Variants in GRK3 observed in about 807,000 individuals in gnomAD.
GRK3 encodes G protein-coupled receptor kinase 3.
A neutral mutation model predicts 95.7 loss-of-function variants in GRK3; 54 were observed. The observed-to-expected ratio is 0.56, with a 90% CI of 0.45 to 0.71. GRK3 has a LOEUF of 0.71. Ranked by LOEUF, GRK3 falls within the 30% of genes least tolerant of loss-of-function variation. The probability of loss-of-function intolerance (pLI) is 0.00; values close to 1 mark genes in which losing one functional copy is unlikely to be tolerated. For missense variants in GRK3, 649 were observed against 851.2 expected (o/e 0.76, Z 2.96); for synonymous variants, 281 against 290.8 (o/e 0.97, Z 0.34).
chr22:25,693,661 C>T lies in GRK3; in HGVS notation c.1053-1446C>T, dbSNP rs144303844. Among the ~76,000 whole-genome samples, 274 of 152,210 alleles carry T rather than the reference C, an allele frequency of 1.8e-3. 1 individual carries two copies. The highest frequency in any genetic ancestry group is 8.9e-3 in the South Asian group (43 of 4,820). On this transcript the variant is annotated intron_variant, in intron 12 of 20. Coordinates refer to ENST00000324198, the MANE Select transcript of GRK3 (RefSeq NM_005160.4). ...CACTGTTGGATAAAACTCTCAAATA[C>T]ACCTCTTAGACAGAGAGTACCAGAC... is the stretch of plus-strand genomic sequence containing the variant.
chr22:25,642,863 T>C (rs2084753456), intron 2 of GRK3, among the ~76,000 whole-genome samples: 3 of 152,176 alleles, frequency 2.0e-5, no homozygotes, highest in Admixed American at 2.0e-4. Context: ...CACTCCACCC[T>C]ATAAGAACAG....
chr22:25,670,745 T>C (rs1213739317), intron 6 of GRK3, among the ~76,000 whole-genome samples: 2 of 151,940 alleles, frequency 1.3e-5, no homozygotes, highest in African/African-American at 4.8e-5. Flanking sequence ...TGCATTTCTT[T>C]TGAAAATAGT....
intron 2 of GRK3, among the ~76,000 whole-genome samples, chr22:25,626,491 C>T (rs541371895): frequency 4.6e-5 from 7 of 152,244 alleles, no homozygotes; most frequent in African/African-American, 9.6e-5. Flanking sequence ...TCCCCACTTC[C>T]GGGATGCTAT....
At chr22:25,638,153 A>G (rs182765445) in intron 2 of GRK3, among the ~76,000 whole-genome samples, 4 of 152,348 alleles carry the variant, frequency 2.6e-5, no homozygotes, top group Admixed American at 2.0e-4. Context: ...TCCACCTAAC[A>G]TGATACAACT....
chr22:25,579,287 A>C (rs7284946), intron 1 of GRK3, among the ~76,000 whole-genome samples: 33,073 of 150,882 alleles, frequency 0.22, 7,735 homozygotes, highest in African/African-American at 0.6. Flanking sequence ...GCTGGGACTA[A>C]GGGCACATGC....
intron 19 of GRK3, 93 bp from the exon 20 acceptor site, chr22:25,721,190 CT>C (rs2085429778): frequency 5.0e-6 from 3 of 600,294 alleles, no homozygotes; most frequent in South Asian, 5.2e-5. Context: ...AATGTGTTTT[CT>C]TTTTTTACTT....
chr22:25,690,996 T>A (rs377265308), intron 12 of GRK3, among the ~76,000 whole-genome samples: 60 of 152,266 alleles, frequency 3.9e-4, no homozygotes, highest in African/African-American at 1.4e-3. Context: ...CCCTGCTTGA[T>A]CAGTGCAAGT....
rs567980759 is a variant in GRK3 at position 25,653,278 on chromosome 22, C to G, written c.265-8298C>G. On this transcript the variant is annotated intron_variant, in intron 3 of 20. Transcript: ENST00000324198. ...TTTTTCAGACTGGATAAAGAACCAA[C>G]CCTCCCCCAATATACTGCTTACAAG... Among the ~76,000 whole-genome samples, 8 of 152,260 alleles carry G rather than the reference C, an allele frequency of 5.3e-5. 1 individual carries two copies. The South Asian group carries it at 1.7e-3, about 32-fold the overall frequency.
chr22:25,648,523 TA>T, intron 3 of GRK3: 2 of 1,455,204 alleles, frequency 1.4e-6, no homozygotes, highest in South Asian at 2.3e-5. Flanking sequence ...ATCAAAACAC[TA>T]AAACCAGGTA....
Position 25,670,762 on chromosome 22 carries a change from A to G in GRK3, c.504-1534A>G, listed in dbSNP as rs187028292. Reference sequence around the variant, plus strand: ...CATTTCTTTTGAAAATAGTTTAAAAAACAAACACCTGGCCGGGAGGGTGGC... The same window carrying G: ...CATTTCTTTTGAAAATAGTTTAAAAGACAAACACCTGGCCGGGAGGGTGGC... On this transcript the variant is annotated intron_variant, in intron 6 of 20. Coordinates refer to ENST00000324198, the MANE Select transcript of GRK3 (RefSeq NM_005160.4). 9.2e-5 allele frequency among the ~76,000 whole-genome samples: 14 copies of G among 151,972 alleles called. No homozygotes were observed. The East Asian group carries it at 2.5e-3, about 27-fold the overall frequency.
chr22:25,629,620 G>A (rs1450402268), intron 2 of GRK3, among the ~76,000 whole-genome samples: 1 of 152,188 alleles, frequency 6.6e-6, no homozygotes, highest in Non-Finnish European at 1.5e-5. Flanking sequence ...GGCAGGTCAG[G>A]TCTGGGCAGG....
At chr22:25,667,829 A>AATTTTTT (rs1569186027) in intron 6 of GRK3, 29 bp downstream of exon 6, 1 of 1,351,414 alleles carries the variant, frequency 7.4e-7, no homozygotes, top group Non-Finnish European at 1.1e-6. Context: ...ATATATACAC[A>AATTTTTT]ATTTTTTATC....
intron 1 of GRK3, among the ~76,000 whole-genome samples, chr22:25,584,328 C>T (rs1178213094): frequency 9.2e-5 from 14 of 152,260 alleles, no homozygotes; most frequent in Admixed American, 3.9e-4. Context: ...TGAAATCTTG[C>T]ACCATTCTGT....
At position 25,722,558 on chromosome 22, in the gene GRK3, C is replaced by A; in HGVS notation, c.*108C>A. On this transcript the variant is annotated 3_prime_UTR_variant, in exon 21 of 21. Transcript: ENST00000324198. ...TATTCGCTACCGGGACTCCTCCAGG[C>A]TCCCGAGAGGAGTCGGGACCCTTCG... is the stretch of plus-strand genomic sequence containing the variant. 1.6e-6 allele frequency: 2 copies of A among 1,218,766 alleles called. No individual in the cohort carries two copies. Among genetic ancestry groups the A allele is most frequent in the Non-Finnish European group, 2.3e-6 (2 of 873,666 alleles). 75.5% of individuals were successfully genotyped at this position (1,218,766 alleles called of 1,614,324 possible).
At chr22:25,604,323 G>T (rs1428287528) in intron 1 of GRK3, 54 bp from the exon 2 acceptor site, 3 of 1,298,584 alleles carry the variant, frequency 2.3e-6, no homozygotes, top group South Asian at 1.3e-5. Context: ...TCCTGGGGAT[G>T]GTTACTCACG....
At chr22:25,700,045 T>G (rs1430939915) in intron 13 of GRK3, among the ~76,000 whole-genome samples, 1 of 152,184 alleles carries the variant, frequency 6.6e-6, no homozygotes, top group Non-Finnish European at 1.5e-5. Flanking sequence ...GCGTGCCCCC[T>G]TGCTTCTGCT....
intron 6 of GRK3, among the ~76,000 whole-genome samples, chr22:25,671,516 T>G (rs371008237): frequency 1.6e-4 from 25 of 152,342 alleles, no homozygotes; most frequent in African/African-American, 5.5e-4. Flanking sequence ...GTGGTGAACC[T>G]ATTGCCTCTT....
intron 13 of GRK3, chr22:25,702,832 C>T (rs551231896): frequency 1.7e-4 from 76 of 456,052 alleles, no homozygotes; most frequent in African/African-American, 2.0e-4. Flanking sequence ...GCTTGATCCC[C>T]GCTTTACAGA....
Position 25,565,063 on chromosome 22 carries a change from T to C in GRK3, c.23T>C (p.Leu8Pro). ...AACATGGCGGACCTGGAGGCTGTGC[T>C]GGCCGATGTCAGTTACCTGATGGCC... MADLEAVLADVSYLMAME... is the reference protein window; with the variant it reads MADLEAVPADVSYLMAME... The change falls in exon 1 of 21, where the codon CTG becomes CCG. Residue 8 changes from leucine to proline, a missense_variant. Transcript: ENST00000324198. 2 of 1,502,238 alleles carry C rather than the reference T, an allele frequency of 1.3e-6. No homozygotes were observed. The highest frequency in any genetic ancestry group is 2.1e-5 in the Admixed American group (1 of 48,480). 93.1% of individuals were successfully genotyped at this position (1,502,238 alleles called of 1,614,324 possible).
Sources: gnomAD v4.1 joint callset for allele counts (sites outside exome capture counted in the v4.1 genomes callset) on GRCh38, gnomAD v4.1.1 for gene constraint, MANE v1.5 for transcripts, NCBI Gene and HGNC (gene_info 2026-07-23, HGNC 2026-07-21) for gene names.